The following MYCBPAP variants were observed in gnomAD, a reference collection of about 807,000 sequenced individuals.
MYCBPAP encodes the protein MYCBP associated protein.
Under a neutral mutation model 106.1 loss-of-function variants are expected in MYCBPAP, and 60 were observed. The observed-to-expected ratio is 0.57, with a 90% CI of 0.46 to 0.70. The LOEUF (loss-of-function observed/expected upper bound fraction) is 0.70. Among genes scored for constraint, MYCBPAP ranks in the 30% least tolerant of loss-of-function variants. The pLI is 0.00. For synonymous variants in MYCBPAP, 407 were observed against 440.6 expected, an observed-to-expected ratio of 0.92 and a Z score of 0.95; for missense variants, 1,064 against 1,169.3, an observed-to-expected ratio of 0.91 and a Z score of 1.31.
intron 18 of MYCBPAP, chr17:50,530,051 A>T: frequency 5.5e-6 from 2 of 360,486 alleles, no homozygotes; most frequent in Non-Finnish European, 1.1e-5. Context: ...TTGTGGTCAC[A>T]CTCTGGATCT....
At position 50,525,944 on chromosome 17, in the gene MYCBPAP, C is replaced by A; in HGVS notation, c.1846C>A (p.Pro616Thr). The change falls in exon 14 of 19, where the codon CCC (proline) becomes ACC (threonine). Residue 616 changes from proline (P) to threonine (T), a missense_variant. Transcript: ENST00000323776. ...HQLWRQYMTL[P>T]AKAEEARPGD... ...ACTGTGGCGCCAGTACATGACCCTG[C>A]CCGCCAAGGCTGAGGAGGCCAGGCC... 1 of 1,613,600 alleles carries A rather than the reference C, an allele frequency of 6.2e-7. No individual in the cohort carries two copies. Among genetic ancestry groups the A allele is most frequent in the Non-Finnish European group, 8.5e-7 (1 of 1,180,000 alleles).
At chr17:50,530,860 G>C (rs2034613674) in intron 18 of MYCBPAP, among the ~76,000 whole-genome samples, 1 of 151,132 alleles carries the variant, frequency 6.6e-6, no homozygotes, top group South Asian at 2.1e-4. Flanking sequence ...ATCTCCATAT[G>C]TCAAAGGTAC....
At chr17:50,514,812 C>T (rs2033984220) in intron 1 of MYCBPAP, 1 of 369,260 alleles carries the variant, frequency 2.7e-6, no homozygotes, top group East Asian at 8.8e-5. Context: ...CATGTACTAC[C>T]ATGCCTGGTT....
chr17:50,509,068 G>A, intron 1 of MYCBPAP: 2 of 703,012 alleles, frequency 2.8e-6, no homozygotes, highest in Non-Finnish European at 5.2e-6. Flanking sequence ...CAGGATCCCC[G>A]GACTGGATGA....
rs985276475 is a variant in MYCBPAP, at chr17:50,515,223, C to T, written c.77-1347C>T. Among the ~76,000 whole-genome samples, 9 of 151,478 alleles carry T rather than the reference C, an allele frequency of 5.9e-5. No individual in the cohort carries two copies. The South Asian group carries it at 6.3e-4, about 11-fold the overall frequency. On this transcript the variant is annotated intron_variant, in intron 1 of 18. Coordinates refer to ENST00000323776, the MANE Select transcript of MYCBPAP (RefSeq NM_032133.6). ...CCCTCCCTGACTCCCCCACCTCCCA[C>T]GCCCGCCGACTCAGGGCTGGTTGTT...
At chr17:50,519,210 C>T in intron 6 of MYCBPAP, 121 bp downstream of exon 6, 1 of 675,384 alleles carries the variant, frequency 1.5e-6, no homozygotes, top group South Asian at 1.9e-5. Flanking sequence ...AAAAACCTAT[C>T]CATTGCAAAA....
intron 14 of MYCBPAP, 137 bp from the exon 15 acceptor site, chr17:50,527,150 G>A: frequency 8.1e-7 from 1 of 1,235,356 alleles, no homozygotes; most frequent in Non-Finnish European, 1.1e-6. Context: ...CCCACCAAAG[G>A]CACCCAGACA....
At chr17:50,531,247 CTA>C in intron 18 of MYCBPAP, 78 bp from the exon 19 acceptor site, 1 of 798,300 alleles carries the variant, frequency 1.3e-6, no homozygotes, top group East Asian at 3.1e-5. Context: ...CCCTCTCCAG[CTA>C]TTCTCTCACA....
Position 50,517,348 on chromosome 17 carries a change from T to G in MYCBPAP, c.260T>G (p.Phe87Cys). The change falls in exon 3 of 19, where the codon TTT (phenylalanine) becomes TGT (cysteine). Residue 87 changes from phenylalanine to cysteine, a missense_variant. Coordinates refer to ENST00000323776, the MANE Select transcript of MYCBPAP (RefSeq NM_032133.6). ...GATAAACGTGTCATCACCCAGAAAT[T>G]TATCATCCGTAAACTCAAACCCATG... ...KEDKRVITQKFIIRKLKPMDP... is the reference protein window; with the variant it reads ...KEDKRVITQKCIIRKLKPMDP... 6.2e-7 allele frequency: 1 copy of G among 1,614,116 alleles called. No individual in the cohort carries two copies. Among genetic ancestry groups the G allele is most frequent in the Middle Eastern group, 1.6e-4 (1 of 6,062 alleles).
At chr17:50,520,558 A>C (rs1458145990) in intron 7 of MYCBPAP, among the ~76,000 whole-genome samples, 1 of 152,244 alleles carries the variant, frequency 6.6e-6, no homozygotes, top group Non-Finnish European at 1.5e-5. Context: ...ATATTACTAA[A>C]ATGAATCCCA....
chr17:50,510,504 T>TGC (rs1567879220), intron 1 of MYCBPAP: 3 of 93,548 alleles, frequency 3.2e-5, no homozygotes, highest in African/African-American at 1.9e-4. Flanking sequence ...TGTGTGTATA[T>TGC]ATATATATAT....
Position 50,527,332 on chromosome 17 carries a change from A to C in MYCBPAP, c.2215A>C (p.Met739Leu). 1 of 1,614,120 alleles carries C rather than the reference A, an allele frequency of 6.2e-7. No homozygotes were observed. The highest frequency in any genetic ancestry group is 8.5e-7 in the Non-Finnish European group (1 of 1,180,014). ...TGAGAACCACAGAGAGGATGCGTTGATGAGGCTCAACAAAGCAGCCCTGGA... is the reference window on the plus strand; with the variant it reads ...TGAGAACCACAGAGAGGATGCGTTGCTGAGGCTCAACAAAGCAGCCCTGGA... Reference protein sequence around the residue: ...PDENHREDALMRLNKAALELC... With the variant: ...PDENHREDALLRLNKAALELC... The change falls in exon 15 of 19, where the codon ATG becomes CTG. Residue 739 changes from methionine (M) to leucine (L), a missense_variant. Coordinates refer to ENST00000323776, the MANE Select transcript of MYCBPAP (RefSeq NM_032133.6).
In MYCBPAP at chr17:50,529,146, C is replaced by G. The variant is rs765803434; in HGVS notation, c.2682C>G (p.Asp894Glu). The change falls in exon 18 of 19, where the codon GAC becomes GAG. Residue 894 changes from aspartate to glutamate, a missense_variant. Transcript: ENST00000323776. ...DIILSSQEPI[D>E]PLVMGKYTQS... is the part of the protein sequence containing the mutation. ...TCCTCTCTTCTCAAGAACCCATAGA[C>G]CCCCTGGTCATGGGGAAATACACCC... 6.2e-7 allele frequency: 1 copy of G among 1,613,482 alleles called. No individual in the cohort carries two copies. The highest frequency in any genetic ancestry group is 8.5e-7 in the Non-Finnish European group (1 of 1,180,024).
rs780408194 is a variant in MYCBPAP, at chr17:50,526,149, G to A, written c.2051G>A (p.Ser684Asn). ...GGGACCAAGAGTCCTCAGCGGAAGA[G>A]CATCATGGAGGAGATCCTGGTGGAG... ...RVGTKSPQRKSIMEEILVEES... is the reference protein window; with the variant it reads ...RVGTKSPQRKNIMEEILVEES... Residue 684 changes from serine to asparagine, a missense_variant, in exon 14 of 19, where the codon AGC becomes AAC. Ser to Asn is a conservative substitution (Grantham distance 46). Transcript: ENST00000323776. 11 of 1,613,628 alleles carry A rather than the reference G, an allele frequency of 6.8e-6. No individual in the cohort carries two copies. In the African/African-American group the frequency reaches 1.2e-4, roughly 18 times the overall value.
chr17:50,514,685 G>A (rs2033978753), intron 1 of MYCBPAP, among the ~76,000 whole-genome samples: 1 of 151,914 alleles, frequency 6.6e-6, no homozygotes, highest in South Asian at 2.1e-4. Context: ...TAGAGACAGG[G>A]TCTTGTTCTG....
In MYCBPAP at chr17:50,508,811, G is replaced by C. The variant is rs948847972; in HGVS notation, c.76+61G>C. On this transcript the variant is annotated intron_variant, in intron 1 of 18. Coordinates refer to ENST00000323776, the MANE Select transcript of MYCBPAP (RefSeq NM_032133.6). ...CGAGAGGGGAAGCGGTCCCCGGAAA[G>C]AGTTCAGGACACGGGGCCTGGAGGA... 27 of 1,450,730 alleles carry C rather than the reference G, an allele frequency of 1.9e-5. No homozygotes were observed. In the African/African-American group the frequency reaches 3.4e-4, roughly 18 times the overall value. 89.9% of individuals were successfully genotyped at this position (1,450,730 alleles called of 1,614,324 possible). A position where few individuals can be genotyped will look rare whatever the true frequency, so the allele number is the denominator to read the frequency against.
intron 1 of MYCBPAP, among the ~76,000 whole-genome samples, chr17:50,513,255 C>T (rs534559367): frequency 5.9e-4 from 84 of 141,550 alleles, no homozygotes; most frequent in Non-Finnish European, 1.1e-3. Flanking sequence ...GGCATGGTGG[C>T]GCATGCCTGT....
intron 4 of MYCBPAP, 150 bp downstream of exon 4, chr17:50,517,848 G>T (rs1241231549): frequency 4.6e-6 from 3 of 658,200 alleles, no homozygotes; most frequent in Non-Finnish European, 5.3e-6. Context: ...TCCCAGAATA[G>T]TTGGACACTT....
rs1270698974 is a variant in MYCBPAP at position 50,516,610 on chromosome 17, A to G, written c.117A>G (p.Thr39=). 4 of 1,614,202 alleles carry G rather than the reference A, an allele frequency of 2.5e-6. No individual in the cohort carries two copies. The highest frequency in any genetic ancestry group is 1.6e-4 in the Middle Eastern group (1 of 6,062). The part of the protein sequence containing the change: ...RAKGPEQPTP[T]IQEEPEPVSN... ...AGGGACCTGAACAACCCACACCCACAATTCAGGAAGAGCCTGAACCTGTTA... is the reference window on the plus strand; with the variant it reads ...AGGGACCTGAACAACCCACACCCACGATTCAGGAAGAGCCTGAACCTGTTA... The change falls in exon 2 of 19, where the codon ACA becomes ACG. Residue 39 remains threonine, a synonymous_variant. Transcript: ENST00000323776.
Sources: gnomAD v4.1 joint callset for allele counts (sites outside exome capture counted in the v4.1 genomes callset) on GRCh38, gnomAD v4.1.1 for gene constraint, MANE v1.5 for transcripts, NCBI Gene and HGNC (gene_info 2026-07-23, HGNC 2026-07-21) for gene names.